FBXW7: variants seen among roughly 807,000 people sequenced by gnomAD.
FBXW7 encodes F-box/WD repeat-containing protein 7.
In FBXW7, 11 loss-of-function variants were observed where a neutral mutation model predicts 86.3. The ratio of observed to expected loss-of-function variants is 0.13; its 90% confidence interval spans 0.08 to 0.21. The LOEUF (loss-of-function observed/expected upper bound fraction) is 0.21. Among genes scored for constraint, FBXW7 ranks in the 10% least tolerant of loss-of-function variants. The pLI is 1.00. For synonymous variants in FBXW7, 313 were observed against 297.9 expected, an observed-to-expected ratio of 1.05 and a Z score of -0.52; for missense variants, 488 against 847.4, an observed-to-expected ratio of 0.58 and a Z score of 5.27.
intron 13 of FBXW7, 155 bp from the exon 14 acceptor site, chr4:152,323,304 T>C (rs562190567): frequency 3.4e-6 from 3 of 884,628 alleles, no homozygotes; most frequent in African/African-American, 3.4e-5. Flanking sequence ...TATTTTAGGA[T>C]CAGCATGGAT....
chr4:152,489,449 C>T (rs768139358), intron 2 of FBXW7: 6 of 152,606 alleles, frequency 3.9e-5, no homozygotes, highest in Non-Finnish European at 8.8e-5. Flanking sequence ...CCTACCAAGA[C>T]ATTCATACTC....
At chr4:152,433,096 T>C (rs947846178) in intron 2 of FBXW7, among the ~76,000 whole-genome samples, 3 of 152,258 alleles carry the variant, frequency 2.0e-5, no homozygotes, top group Admixed American at 6.5e-5. Flanking sequence ...CTTTCTATTG[T>C]ATGAATATAC....
chr4:152,404,021 G>A (rs1737189061), intron 4 of FBXW7, among the ~76,000 whole-genome samples: 1 of 152,204 alleles, frequency 6.6e-6, no homozygotes, highest in South Asian at 2.1e-4. Context: ...GTGTTAAGTT[G>A]ATCTTAGAAA....
At chr4:152,507,036 A>T (rs961402799) in intron 2 of FBXW7, among the ~76,000 whole-genome samples, 37 of 152,236 alleles carry the variant, frequency 2.4e-4, no homozygotes, top group Non-Finnish European at 8.8e-5. Context: ...ATTACACACC[A>T]CAATGTTTCC....
chr4:152,467,083 A>C (rs549407219), intron 2 of FBXW7, among the ~76,000 whole-genome samples: 8 of 152,350 alleles, frequency 5.3e-5, no homozygotes, highest in Admixed American at 5.2e-4. Context: ...TAAAATATGC[A>C]GTAATTGTCA....
chr4:152,360,951 C>G (rs1732882842), intron 4 of FBXW7, among the ~76,000 whole-genome samples: 1 of 151,688 alleles, frequency 6.6e-6, no homozygotes, highest in Admixed American at 6.6e-5. Flanking sequence ...CTCTTCTCAT[C>G]AAGCATCTTA....
At chr4:152,504,848 TATC>T (rs1421290069) in intron 2 of FBXW7, among the ~76,000 whole-genome samples, 1 of 152,196 alleles carries the variant, frequency 6.6e-6, no homozygotes, top group African/African-American at 2.4e-5. Context: ...GAAATGGTAA[TATC>T]ATGGCTCCAT....
At chr4:152,390,650 A>G (rs1338249020) in intron 4 of FBXW7, among the ~76,000 whole-genome samples, 1 of 152,136 alleles carries the variant, frequency 6.6e-6, no homozygotes, top group Non-Finnish European at 1.5e-5. Flanking sequence ...CTTTAATGTC[A>G]GTACTTAAGT....
intron 2 of FBXW7, among the ~76,000 whole-genome samples, chr4:152,435,979 T>C (rs1740342906): frequency 6.6e-6 from 1 of 152,200 alleles, no homozygotes. Context: ...GGCAAAAATG[T>C]TGTGTATTCT....
intron 2 of FBXW7, among the ~76,000 whole-genome samples, chr4:152,437,224 G>C (rs1002706008): frequency 6.6e-6 from 1 of 152,058 alleles, no homozygotes; most frequent in African/African-American, 2.4e-5. Flanking sequence ...TCCAACCCTC[G>C]TGGATGACTT....
chr4:152,503,829 T>C (rs936539718), intron 2 of FBXW7, among the ~76,000 whole-genome samples: 11 of 152,320 alleles, frequency 7.2e-5, no homozygotes, highest in Admixed American at 1.3e-4. Flanking sequence ...ATGATACACA[T>C]TGAAAATATC....
chr4:152,445,635 CA>C, intron 2 of FBXW7, among the ~76,000 whole-genome samples: 1 of 152,240 alleles, frequency 6.6e-6, no homozygotes, highest in South Asian at 2.1e-4. Flanking sequence ...AGGCCAGGCA[CA>C]GTGGCTCACA....
rs745908066 is a variant in FBXW7, at chr4:152,347,075, C to CAA, written c.585-6_585-5dup. 1.5e-3 allele frequency: 1,974 copies of CAA among 1,275,932 alleles called. No individual in the cohort carries two copies. The highest frequency in any genetic ancestry group is 5.1e-3 in the South Asian group (342 of 67,472). The allele number at this position is 1,275,932 out of a possible 1,614,324, so 79.0% of individuals were successfully genotyped here. On this transcript the variant is annotated splice_polypyrimidine_tract_variant and splice_region_variant and intron_variant, in intron 5 of 13. Transcript: ENST00000281708. ...ACATGGTACAAGCCCAGTGGTACTA[C>CAA]AAAAAAAAAAAAAAGAGAGAGAGAA...
chr4:152,371,332 A>T (rs986661179), intron 4 of FBXW7, among the ~76,000 whole-genome samples: 4 of 152,008 alleles, frequency 2.6e-5, no homozygotes, highest in African/African-American at 9.7e-5. Flanking sequence ...ATTCAGAAAG[A>T]AATCACTAAG....
intron 2 of FBXW7, among the ~76,000 whole-genome samples, chr4:152,481,773 C>T (rs1032638129): frequency 6.6e-6 from 1 of 152,130 alleles, no homozygotes; most frequent in Non-Finnish European, 1.5e-5. Context: ...GAAGCAGAGC[C>T]TGATAACATG....
At chr4:152,471,695 C>T (rs1411703941) in intron 2 of FBXW7, among the ~76,000 whole-genome samples, 1 of 151,694 alleles carries the variant, frequency 6.6e-6, no homozygotes, top group Non-Finnish European at 1.5e-5. Flanking sequence ...GGCCAGGAGT[C>T]CGAGATTAGT....
intron 2 of FBXW7, among the ~76,000 whole-genome samples, chr4:152,458,178 C>T (rs1012648379): frequency 2.6e-5 from 4 of 152,056 alleles, no homozygotes; most frequent in Non-Finnish European, 5.9e-5. Flanking sequence ...CACCACCACG[C>T]GCAGCTAATT....
intron 2 of FBXW7, among the ~76,000 whole-genome samples, chr4:152,521,625 T>C (rs1749020046): frequency 6.6e-6 from 1 of 152,054 alleles, no homozygotes; most frequent in African/African-American, 2.4e-5. Flanking sequence ...GTATTAAGGC[T>C]GAATTCTCTC....
intron 7 of FBXW7, among the ~76,000 whole-genome samples, chr4:152,337,109 T>C (rs1210420201): frequency 6.6e-6 from 1 of 151,946 alleles, no homozygotes; most frequent in East Asian, 1.9e-4. Context: ...ATCTAAACTA[T>C]GCCTTATAGT....
Sources: allele counts gnomAD v4.1 joint callset (sites outside exome capture counted in the v4.1 genomes callset), GRCh38; gene constraint gnomAD v4.1.1; transcripts MANE v1.5; gene names NCBI Gene and HGNC (gene_info 2026-07-23, HGNC 2026-07-21).